Variants in APC observed in about 807,000 individuals in gnomAD.
The protein encoded by APC is adenomatous polyposis coli protein.
A neutral mutation model predicts 247.0 loss-of-function variants in APC; 72 were observed. That is an observed-to-expected ratio of 0.29 (90% CI 0.24 to 0.35). The LOEUF (loss-of-function observed/expected upper bound fraction) is 0.35, where lower values mean the gene tolerates loss of function less well. Among genes scored for constraint, APC ranks in the 10% least tolerant of loss-of-function variants. The probability of loss-of-function intolerance (pLI) is 1.00; values close to 1 mark genes in which losing one functional copy is unlikely to be tolerated. For missense variants in APC, 3,400 were observed against 3,360.7 expected (o/e 1.01, Z -0.29); for synonymous variants, 1,254 against 1,162.5 (o/e 1.08, Z -1.60).
chr5:112,739,613 A>G (rs1033709828), intron 1 of APC, among the ~76,000 whole-genome samples: 3 of 152,340 alleles, frequency 2.0e-5, no homozygotes, highest in South Asian at 2.1e-4. Flanking sequence ...AATACAAGCT[A>G]AACAGGAGGC....
intron 7 of APC, 114 bp downstream of exon 7, chr5:112,792,643 A>C: frequency 1.3e-6 from 1 of 749,392 alleles, no homozygotes; most frequent in Non-Finnish European, 2.2e-6. Context: ...CTTTCAGAGA[A>C]TTTAAATACC....
At chr5:112,800,799 T>C (rs1699800911) in intron 7 of APC, among the ~76,000 whole-genome samples, 2 of 152,068 alleles carry the variant, frequency 1.3e-5, no homozygotes, top group African/African-American at 2.4e-5. Context: ...GAGCCTATCA[T>C]TTTATTTCAC....
In APC at chr5:112,819,121, T is replaced by C. The variant is rs754925114; in HGVS notation, c.1089T>C (p.Asn363=). The C allele has an allele frequency of 1.2e-6, 2 of 1,613,962 alleles. No individual in the cohort carries two copies. Among genetic ancestry groups the C allele is most frequent in the East Asian group, 4.5e-5 (2 of 44,868 alleles). ...LPLLIQLLHG[N]DKDSVLLGNS... is the part of the protein sequence containing the mutation. ...TCCTCATCCAGCTTTTACATGGCAA[T>C]GACAAAGACTCTGTATTGTTGGGAA... The change falls in exon 10 of 16, where the codon AAT becomes AAC. Residue 363 remains asparagine (N), a synonymous_variant. Coordinates refer to ENST00000257430, the MANE Select transcript of APC (RefSeq NM_000038.6).
rs587782888 is a variant in APC at position 112,840,295 on chromosome 5, A to AGAT, written c.4711_4713dup (p.Asp1571dup). The AGAT allele has an allele frequency of 2.5e-6, 4 of 1,614,174 alleles. No individual in the cohort carries two copies. The highest frequency in any genetic ancestry group is 2.7e-5 in the African/African-American group (2 of 75,060). On this transcript the variant is annotated inframe_insertion, in exon 16 of 16. Transcript: ENST00000257430. This position sits in a 1 kb window ranked among gnomAD's most constrained non-coding sequence, Gnocchi z 4.1. ...CTGAAAAGGACCTATTAGATGATTC[A>AGAT]GATGATGATGATATTGAAATACTAG...
rs755065310 is a variant in APC, at chr5:112,840,637, A to G, written c.5043A>G (p.Ser1681=). Residue 1681 remains serine, a synonymous_variant, in exon 16 of 16, where the codon TCA becomes TCG. Coordinates refer to ENST00000257430, the MANE Select transcript of APC (RefSeq NM_000038.6). This position sits in a 1 kb window ranked among gnomAD's most constrained non-coding sequence, Gnocchi z 4.1. ...AAGGAGTTAGAGGAGGGGCACAGTC[A>G]GGTGAATTTGAAAAACGAGATACCA... The part of the protein sequence containing the change: ...AGEGVRGGAQ[S]GEFEKRDTIP... 4 of 1,614,042 alleles carry G rather than the reference A, an allele frequency of 2.5e-6. No homozygotes were observed. The South Asian group carries it at 4.4e-5, about 18-fold the overall frequency.
intron 6 of APC, among the ~76,000 whole-genome samples, chr5:112,781,397 G>A (rs1034168355): frequency 3.3e-5 from 5 of 152,200 alleles, no homozygotes; most frequent in African/African-American, 1.2e-4. Flanking sequence ...GTATTAGCTA[G>A]CTTTGCTATT....
chr5:112,835,124 A>T lies in APC; in HGVS notation c.1917A>T (p.Leu639Phe), dbSNP rs1184316224. ...LAIIESGGGI[L>F]RNVSSLIATN... ...TTATTGAAAGTGGAGGTGGGATATT[A>T]CGGAATGTGTCCAGCTTGATAGCTA... The change falls in exon 15 of 16, where the codon TTA (leucine) becomes TTT (phenylalanine). Residue 639 changes from leucine (L) to phenylalanine (F), a missense_variant. Coordinates refer to ENST00000257430, the MANE Select transcript of APC (RefSeq NM_000038.6). 1 of 1,614,152 alleles carries T rather than the reference A, an allele frequency of 6.2e-7. No individual in the cohort carries two copies. Among genetic ancestry groups the T allele is most frequent in the Non-Finnish European group, 8.5e-7 (1 of 1,179,998 alleles).
chr5:112,787,355 A>C (rs536318232), intron 6 of APC, among the ~76,000 whole-genome samples: 1 of 152,332 alleles, frequency 6.6e-6, no homozygotes, highest in South Asian at 2.1e-4. Flanking sequence ...ACTGGTCATA[A>C]GGTATGAGTG....
intron 7 of APC, among the ~76,000 whole-genome samples, chr5:112,796,278 C>A (rs1760204102): frequency 6.6e-6 from 1 of 152,090 alleles, no homozygotes; most frequent in African/African-American, 2.4e-5. Flanking sequence ...GCAGAACTAG[C>A]CATTGAAGCA....
intron 6 of APC, among the ~76,000 whole-genome samples, chr5:112,790,099 G>A (rs1451240808): frequency 2.0e-5 from 3 of 151,960 alleles, no homozygotes; most frequent in Non-Finnish European, 2.9e-5. Context: ...AGCTTAAGCA[G>A]TCTGCCCACC....
intron 10 of APC, among the ~76,000 whole-genome samples, chr5:112,820,948 A>C (rs1195370194): frequency 3.3e-5 from 5 of 151,358 alleles, no homozygotes; most frequent in Non-Finnish European, 7.4e-5. Context: ...TGCAGCCTCA[A>C]CCTCCCAGGC....
intron 2 of APC, among the ~76,000 whole-genome samples, chr5:112,760,419 G>A (rs1755522313): frequency 6.6e-6 from 1 of 152,164 alleles, no homozygotes; most frequent in Admixed American, 6.5e-5. Context: ...CATACCACAG[G>A]TCTCCTCAAG....
intron 4 of APC, among the ~76,000 whole-genome samples, chr5:112,771,544 G>A (rs758198295): frequency 2.6e-5 from 4 of 152,036 alleles, no homozygotes; most frequent in Non-Finnish European, 5.9e-5. Flanking sequence ...AGTTCAGGTA[G>A]GTTTAGGTTC....
chr5:112,806,552 CTTTA>C (rs66460614), intron 8 of APC, among the ~76,000 whole-genome samples: 27,399 of 145,494 alleles, frequency 0.19, 2,674 homozygotes, highest in African/African-American at 0.23. Context: ...TGGTTCTCAA[CTTTA>C]TTTATTTATT....
intron 4 of APC, among the ~76,000 whole-genome samples, chr5:112,768,043 CTT>C (rs761163996): frequency 1.8e-4 from 24 of 133,186 alleles, no homozygotes; most frequent in Admixed American, 3.8e-4. Flanking sequence ...AAGACTCTTT[CTT>C]TTTTTTTTTT....
Position 112,808,103 on chromosome 5 carries a change from C to T in APC, c.834+6720C>T, listed in dbSNP as rs1761605125. On this transcript the variant is annotated intron_variant, in intron 8 of 15. Transcript: ENST00000257430. ...CCAGGAGGCAGAGGTTGCAGGGAGC[C>T]GAGATCGCACCACTGCACTCCACCC... 2.6e-5 allele frequency among the ~76,000 whole-genome samples: 4 copies of T among 152,030 alleles called. No individual in the cohort carries two copies. In the South Asian group the frequency reaches 6.3e-4, roughly 24 times the overall value.
At chr5:112,726,695 T>C (rs773948648) in intron 1 of APC, among the ~76,000 whole-genome samples, 15 of 152,184 alleles carry the variant, frequency 9.9e-5, no homozygotes, top group Non-Finnish European at 1.9e-4. Flanking sequence ...CCCTGTTTCC[T>C]GTCCGTATCA....
At chr5:112,707,595 C>A in exon 1 of APC, 1 of 1,096,980 alleles carries the variant, frequency 9.1e-7, no homozygotes, top group Non-Finnish European at 1.2e-6. Flanking sequence ...CGGGGGGGAC[C>A]TGCGGGCTCA....
At chr5:112,724,419 T>C (rs969583742) in intron 1 of APC, among the ~76,000 whole-genome samples, 10 of 152,342 alleles carry the variant, frequency 6.6e-5, no homozygotes, top group African/African-American at 2.4e-4. Flanking sequence ...AGTTCATTCA[T>C]ATTCTGCAGC....
Sources: allele counts gnomAD v4.1 joint callset (sites outside exome capture counted in the v4.1 genomes callset), GRCh38; gene constraint gnomAD v4.1.1; non-coding constraint Gnocchi (gnomAD v3.1); transcripts MANE v1.5; gene names NCBI Gene and HGNC (gene_info 2026-07-23, HGNC 2026-07-21).